Variants in INTS10 observed in about 807,000 individuals in gnomAD.
The protein encoded by INTS10 is integrator complex subunit 10, also known as chromosome 8 open reading frame 35.
A neutral mutation model predicts 94.4 loss-of-function variants in INTS10; 44 were observed. The observed-to-expected ratio is 0.47, with a 90% confidence interval of 0.37 to 0.60. The LOEUF (loss-of-function observed/expected upper bound fraction) is 0.60. Among genes scored for constraint, INTS10 ranks in the 20% least tolerant of loss-of-function variants. INTS10 has a pLI of 0.00. For synonymous variants in INTS10, 341 were observed against 320.7 expected, an observed-to-expected ratio of 1.06 and a Z score of -0.68; for missense variants, 797 against 868.7, an observed-to-expected ratio of 0.92 and a Z score of 1.04.
chr8:19,837,314 A>AC (rs1434030705), intron 13 of INTS10, 154 bp downstream of exon 13: 6 of 598,706 alleles, frequency 1.0e-5, no homozygotes, highest in Non-Finnish European at 1.8e-5. Context: ...ATGTAGTGAG[A>AC]CCCCATCTCT....
intron 5 of INTS10, among the ~76,000 whole-genome samples, chr8:19,823,002 G>T (rs2066505581): frequency 1.3e-5 from 2 of 151,614 alleles, no homozygotes; most frequent in Admixed American, 6.6e-5. Flanking sequence ...TGTAAGATTT[G>T]ATACCTCTGA....
intron 4 of INTS10, chr8:19,821,031 GT>G (rs2066331243): frequency 6.6e-6 from 1 of 152,314 alleles, no homozygotes; most frequent in Admixed American, 6.5e-5. Flanking sequence ...AGCATTTTGT[GT>G]TTTAGTAACT....
chr8:19,837,223 TCA>T, intron 13 of INTS10, 63 bp downstream of exon 13: 1 of 1,040,902 alleles, frequency 9.6e-7, no homozygotes, highest in Non-Finnish European at 1.5e-6. Flanking sequence ...GCACGGTGGC[TCA>T]CACTTGTAAT....
chr8:19,836,993 T>C (rs2067714801), intron 12 of INTS10, 59 bp from the exon 13 acceptor site: 1 of 1,094,564 alleles, frequency 9.1e-7, no homozygotes, highest in Admixed American at 1.7e-5. Flanking sequence ...TTTGGTACTT[T>C]ATTTGATTTC....
chr8:19,818,803 G>A (rs1455610185), intron 2 of INTS10: 1 of 161,546 alleles, frequency 6.2e-6, no homozygotes, highest in Non-Finnish European at 1.4e-5. Flanking sequence ...CACTCTCATG[G>A]ACCCCTTCCC....
chr8:19,822,322 C>G, intron 4 of INTS10, 117 bp from the exon 5 acceptor site: 1 of 578,378 alleles, frequency 1.7e-6, no homozygotes, highest in South Asian at 2.5e-5. Context: ...TTATTTGTTT[C>G]TCAGATAAGT....
rs1046244899 is a variant in INTS10, at chr8:19,839,098, C to T, written c.1639+1938C>T. On this transcript the variant is annotated intron_variant, in intron 13 of 16. Transcript: ENST00000397977. ...AAAAAAAAACCAAACAAACAAAAAT[C>T]AGTGTAATTCACTCCATTAGCAGAC... 6.6e-5 allele frequency among the ~76,000 whole-genome samples: 10 copies of T among 151,784 alleles called. 1 individual carries two copies. The South Asian group carries it at 1.9e-3, about 28-fold the overall frequency.
intron 9 of INTS10, among the ~76,000 whole-genome samples, chr8:19,829,420 C>G (rs2067058698): frequency 6.6e-6 from 1 of 151,780 alleles, no homozygotes; most frequent in South Asian, 2.1e-4. Flanking sequence ...CAATAATTGC[C>G]TTTCTCTGTA....
chr8:19,824,911 G>A lies in INTS10; in HGVS notation c.945G>A (p.Met315Ile). The A allele has an allele frequency of 6.2e-7, 1 of 1,613,692 alleles. No homozygotes were observed. Among genetic ancestry groups the A allele is most frequent in the South Asian group, 1.1e-5 (1 of 91,032 alleles). The change falls in exon 8 of 17, where the codon ATG becomes ATA. Residue 315 changes from methionine (M) to isoleucine (I), a missense_variant. Met to Ile is a conservative substitution (Grantham distance 10). Coordinates refer to ENST00000397977, the MANE Select transcript of INTS10 (RefSeq NM_018142.4). Reference sequence around the variant, plus strand: ...AAAACCAAGTGGTGTATTCCACCATGCTGGTCTTCTTTAAGAATGCATTCC... The same window carrying A: ...AAAACCAAGTGGTGTATTCCACCATACTGGTCTTCTTTAAGAATGCATTCC... ...KYKNQVVYST[M>I]LVFFKNAFQY...
At chr8:19,844,347 T>C in intron 15 of INTS10, 109 bp downstream of exon 15, 1 of 896,952 alleles carries the variant, frequency 1.1e-6, no homozygotes, top group Non-Finnish European at 1.7e-6. Context: ...TTTTACTATT[T>C]TGCAGCGAAG....
In INTS10 at chr8:19,820,529, A is replaced by C. The variant is rs1274667754; in HGVS notation, c.441+11A>C. 6.2e-7 allele frequency: 1 copy of C among 1,600,830 alleles called. No homozygotes were observed. The highest frequency in any genetic ancestry group is 1.1e-5 in the South Asian group (1 of 89,898). On this transcript the variant is annotated intron_variant, in intron 4 of 16. Transcript: ENST00000397977. ...GTGGTGCAGCATGGGGTGAGATTTG[A>C]TTCTTCCCCTTCTTTTAATATAAAA...
At chr8:19,817,928 G>T (rs149133761) in intron 1 of INTS10, among the ~76,000 whole-genome samples, 1 of 152,296 alleles carries the variant, frequency 6.6e-6, no homozygotes, top group Non-Finnish European at 1.5e-5. Flanking sequence ...GGTCGGGTGT[G>T]CTTAGGTCCC....
intron 4 of INTS10, among the ~76,000 whole-genome samples, chr8:19,820,744 C>G (rs1253464814): frequency 2.0e-5 from 3 of 152,216 alleles, no homozygotes; most frequent in African/African-American, 7.2e-5. Context: ...CAAGCTCTGA[C>G]AGTACTGTTT....
intron 13 of INTS10, among the ~76,000 whole-genome samples, chr8:19,840,960 T>G (rs1293660329): frequency 6.6e-6 from 1 of 152,204 alleles, no homozygotes; most frequent in African/African-American, 2.4e-5. Flanking sequence ...TGCATGACTT[T>G]ATATACCTTC....
In INTS10 at chr8:19,851,181, G is replaced by A. The variant is rs970613292; in HGVS notation, c.1977-468G>A. 6.6e-6 allele frequency among the ~76,000 whole-genome samples: 1 copy of A among 152,292 alleles called. No individual in the cohort carries two copies. The highest frequency in any genetic ancestry group is 1.9e-4 in the East Asian group (1 of 5,168). On this transcript the variant is annotated intron_variant, in intron 16 of 16. Coordinates refer to ENST00000397977, the MANE Select transcript of INTS10 (RefSeq NM_018142.4). The surrounding 1 kb of genome is among the most constrained non-coding windows in gnomAD (Gnocchi z 5.0). Reference sequence around the variant, plus strand: ...GAACCTTTCTGGGAGCACCAGCTGCGGGGGCCATGGTGGGAGCTCACTTGG... The same window carrying A: ...GAACCTTTCTGGGAGCACCAGCTGCAGGGGCCATGGTGGGAGCTCACTTGG...
rs1354831365 is a variant in INTS10, at chr8:19,849,725, C to A, written c.1977-1924C>A. ...TCCTGCTACTGATGTTTTTTCAGAC[C>A]TTACCTTTCTGAATTGAAAATATTT... On this transcript the variant is annotated intron_variant, in intron 16 of 16. Transcript: ENST00000397977. This position sits in a 1 kb window ranked among gnomAD's most constrained non-coding sequence, Gnocchi z 4.6. Among the ~76,000 whole-genome samples, 2 of 152,016 alleles carry A rather than the reference C, an allele frequency of 1.3e-5. No individual in the cohort carries two copies. The highest frequency in any genetic ancestry group is 2.9e-5 in the Non-Finnish European group (2 of 67,990).
At chr8:19,840,307 T>C (rs532212992) in intron 13 of INTS10, among the ~76,000 whole-genome samples, 2 of 152,318 alleles carry the variant, frequency 1.3e-5, no homozygotes, top group South Asian at 4.1e-4. Context: ...ACAGATCATG[T>C]TTCTATATCA....
chr8:19,839,185 T>C (rs7823747), intron 13 of INTS10, among the ~76,000 whole-genome samples: 2,020 of 152,268 alleles, frequency 0.013, 52 homozygotes, highest in African/African-American at 0.046. Flanking sequence ...CAGTTCATGA[T>C]AACAAAAATC....
intron 10 of INTS10, among the ~76,000 whole-genome samples, chr8:19,831,522 A>G (rs2067224397): frequency 6.6e-6 from 1 of 152,024 alleles, no homozygotes; most frequent in South Asian, 2.1e-4. Context: ...CCGTCTCTAT[A>G]AAAAAACAAA....
Sources: gnomAD v4.1 joint callset for allele counts (sites outside exome capture counted in the v4.1 genomes callset) on GRCh38, gnomAD v4.1.1 for gene constraint, Gnocchi (gnomAD v3.1) non-coding constraint, MANE v1.5 for transcripts, NCBI Gene and HGNC (gene_info 2026-07-23, HGNC 2026-07-21) for gene names.